Variants in JAKMIP3 observed in about 807,000 individuals in gnomAD.
JAKMIP3 encodes the protein Janus kinase and microtubule interacting protein 3.
JAKMIP3 carries 58 observed loss-of-function variants against 118.5 expected under a neutral mutation model. That is an observed-to-expected ratio of 0.49 (90% confidence interval 0.40 to 0.61). JAKMIP3 has a LOEUF of 0.61. Among genes scored for constraint, JAKMIP3 ranks in the 20% least tolerant of loss-of-function variants. The pLI is 0.00. For synonymous variants in JAKMIP3, 486 were observed against 451.2 expected, an observed-to-expected ratio of 1.08 and a Z score of -0.98; for missense variants, 950 against 1,109.0, an observed-to-expected ratio of 0.86 and a Z score of 2.04.
At chr10:132,046,592 C>T (rs74161714) in intron 1 of JAKMIP3, among the ~76,000 whole-genome samples, 3,004 of 152,262 alleles carry the variant, frequency 0.02, 115 homozygotes, top group African/African-American at 0.067. Context: ...TTCAGCTGTG[C>T]GCATCCGCCA....
At chr10:132,053,725 T>G (rs1273229663) in intron 1 of JAKMIP3, among the ~76,000 whole-genome samples, 1 of 151,676 alleles carries the variant, frequency 6.6e-6, no homozygotes, top group Non-Finnish European at 1.5e-5. Flanking sequence ...GTTGGAGGAG[T>G]GGAGCAGTGA....
chr10:132,141,409 C>CGG (rs538502867), intron 10 of JAKMIP3, among the ~76,000 whole-genome samples: 1 of 152,234 alleles, frequency 6.6e-6, no homozygotes, highest in African/African-American at 2.4e-5. Flanking sequence ...CCTGGGGTGA[C>CGG]GGGGGGCACT....
chr10:132,145,503 A>C lies in JAKMIP3; in HGVS notation c.1687-15A>C, dbSNP rs200185848. 1.3e-6 allele frequency: 2 copies of C among 1,552,176 alleles called. No homozygotes were observed. Among genetic ancestry groups the C allele is most frequent in the Non-Finnish European group, 1.7e-6 (2 of 1,146,906 alleles). The stretch of plus-strand genomic sequence containing the variant: ...CTCCCTCAGTGTCTTTATTTCTTTC[A>C]ATTCCATTTGCAAGGATATGAAGTG... On this transcript the variant is annotated splice_polypyrimidine_tract_variant and intron_variant, in intron 12 of 23. Transcript: ENST00000684848.
intron 1 of JAKMIP3, among the ~76,000 whole-genome samples, chr10:132,055,570 A>T (rs2038215216): frequency 1.3e-5 from 2 of 152,220 alleles, no homozygotes; most frequent in South Asian, 4.1e-4. Flanking sequence ...AGAGAGGCAA[A>T]GGATGGATGT....
chr10:132,139,298 ATGTG>A (rs774190198), intron 9 of JAKMIP3, among the ~76,000 whole-genome samples: 4 of 83,020 alleles, frequency 4.8e-5, no homozygotes, highest in South Asian at 4.9e-4. Flanking sequence ...GCATCTGTGT[ATGTG>A]TGTGAGTGTG....
At position 132,079,343 on chromosome 10, in the gene JAKMIP3, AC is replaced by A. The variant is rs555980230; in HGVS notation, c.-138+13283del. On this transcript the variant is annotated intron_variant, in intron 1 of 23. Coordinates refer to ENST00000684848, the MANE Select transcript of JAKMIP3 (RefSeq NM_001323087.2). The stretch of plus-strand genomic sequence containing the variant: ...GGGGCTCATTCCAGGCTCTGGCCCC[AC>A]TGCCTTTCCTGGGTCTCATCTCTTG... 2.4e-3 allele frequency among the ~76,000 whole-genome samples: 364 copies of A among 152,266 alleles called. 2 individuals carry two copies. The highest frequency in any genetic ancestry group is 3.7e-3 in the Non-Finnish European group (254 of 68,018).
intron 1 of JAKMIP3, among the ~76,000 whole-genome samples, chr10:132,085,421 T>C (rs1181564710): frequency 6.6e-6 from 1 of 152,226 alleles, no homozygotes; most frequent in Non-Finnish European, 1.5e-5. Flanking sequence ...ATATCTTCCA[T>C]TTCATTTTTA....
intron 23 of JAKMIP3, among the ~76,000 whole-genome samples, chr10:132,172,980 CCT>C (rs527507375): frequency 0.013 from 1,002 of 75,176 alleles, 86 homozygotes; most frequent in South Asian, 0.069. Context: ...TCTCTCCTTC[CCT>C]CTCTCTCTCT....
At chr10:132,160,497 G>A (rs1409306216) in intron 19 of JAKMIP3, among the ~76,000 whole-genome samples, 1 of 22,256 alleles carries the variant, frequency 4.5e-5, no homozygotes, top group Non-Finnish European at 7.9e-5. Context: ...TGTGATGCTG[G>A]GGGGGCCTCT....
chr10:132,104,577 G>A (rs148908712), intron 1 of JAKMIP3, 95 bp from the exon 2 acceptor site: 3 of 558,780 alleles, frequency 5.4e-6, no homozygotes, highest in Admixed American at 3.1e-5. Flanking sequence ...AATGAGGTGG[G>A]GGGTCCACGT....
At chr10:132,164,865 CG>C in intron 21 of JAKMIP3, 130 bp downstream of exon 21, 1 of 670,094 alleles carries the variant, frequency 1.5e-6, no homozygotes, top group Non-Finnish European at 2.6e-6. Context: ...CAGCGGGAAG[CG>C]GCCGCCTGGA....
At chr10:132,154,082 A>G in intron 19 of JAKMIP3, 92 bp downstream of exon 19, 2 of 1,160,520 alleles carry the variant, frequency 1.7e-6, no homozygotes, top group African/African-American at 3.0e-5. Flanking sequence ...TCAGGTGCCC[A>G]TGTGGGCCAG....
Position 132,112,989 on chromosome 10 carries a change from G to A in JAKMIP3, c.136-4088G>A, listed in dbSNP as rs1007997467. Among the ~76,000 whole-genome samples the A allele has an allele frequency of 7.9e-5, 12 of 152,164 alleles. No individual in the cohort carries two copies. Among genetic ancestry groups the A allele is most frequent in the Non-Finnish European group, 1.5e-4 (10 of 68,024 alleles). ...AGCTAGGGTTTGAAAGACTGTGACC[G>A]TCCCACTTTCTAAAGCGTGACTTAC... is the stretch of plus-strand genomic sequence containing the variant. On this transcript the variant is annotated intron_variant, in intron 2 of 23. Transcript: ENST00000684848. The surrounding 1 kb of genome is among the most constrained non-coding windows in gnomAD (Gnocchi z 4.3).
chr10:132,064,564 G>A (rs949634708), upstream of JAKMIP3, among the ~76,000 whole-genome samples: 1 of 152,194 alleles, frequency 6.6e-6, no homozygotes, highest in Admixed American at 6.5e-5. This position sits in a 1 kb window ranked among gnomAD's most constrained non-coding sequence, Gnocchi z 4.4. Flanking sequence ...TGGGGCAGCC[G>A]CATGGCCTCT....
intron 1 of JAKMIP3, among the ~76,000 whole-genome samples, chr10:132,051,428 G>T (rs1282962146): frequency 3.3e-5 from 5 of 150,674 alleles, no homozygotes; most frequent in Admixed American, 3.3e-4. Flanking sequence ...TGGTTATGTG[G>T]GGGGGTACCT....
chr10:132,167,928 G>A (rs565344540), intron 22 of JAKMIP3, 25 bp from the exon 23 acceptor site: 2 of 1,285,680 alleles, frequency 1.6e-6, no homozygotes, highest in Non-Finnish European at 1.0e-6. Flanking sequence ...CGCTGACTCT[G>A]CACTCTACGT....
At chr10:132,177,856 CGT>C (rs1343421320) in intron 23 of JAKMIP3, among the ~76,000 whole-genome samples, 14 of 127,620 alleles carry the variant, frequency 1.1e-4, no homozygotes, top group Admixed American at 7.5e-4. Flanking sequence ...GGGTAGTGTG[CGT>C]GTGTGTGCAC....
At chr10:132,150,989 C>T (rs1365991279) in intron 16 of JAKMIP3, among the ~76,000 whole-genome samples, 1 of 152,050 alleles carries the variant, frequency 6.6e-6, no homozygotes. Context: ...ATTCATTCTC[C>T]ATCCTCCATC....
chr10:132,068,807 G>A (rs143888130), intron 1 of JAKMIP3, among the ~76,000 whole-genome samples: 4 of 152,308 alleles, frequency 2.6e-5, no homozygotes, highest in Non-Finnish European at 5.9e-5. Context: ...CATCAGGAAT[G>A]TCCTGTGGTT....
Sources: gnomAD v4.1 joint callset for allele counts (sites outside exome capture counted in the v4.1 genomes callset) on GRCh38, gnomAD v4.1.1 for gene constraint, Gnocchi (gnomAD v3.1) non-coding constraint, MANE v1.5 for transcripts, NCBI Gene and HGNC (gene_info 2026-07-23, HGNC 2026-07-21) for gene names.